ZEB1: variants seen among roughly 807,000 people sequenced by gnomAD.
ZEB1 encodes zinc finger E-box-binding homeobox 1.
In ZEB1, 21 loss-of-function variants were observed where a neutral mutation model predicts 84.9. That is an observed-to-expected ratio of 0.25 (90% CI 0.18 to 0.36). The LOEUF (loss-of-function observed/expected upper bound fraction) is 0.36, where lower values mean the gene tolerates loss of function less well. Ranked by LOEUF, ZEB1 falls within the 10% of genes least tolerant of loss-of-function variation. The probability of loss-of-function intolerance (pLI) is 1.00; values close to 1 mark genes in which losing one functional copy is unlikely to be tolerated. For synonymous variants in ZEB1, 420 were observed against 471.1 expected (o/e 0.89, Z 1.41); for missense variants, 1,104 against 1,330.2 (o/e 0.83, Z 2.65).
chr10:31,413,584 A>G (rs2054668881), intron 1 of ZEB1, among the ~76,000 whole-genome samples: 1 of 151,802 alleles, frequency 6.6e-6, no homozygotes, highest in South Asian at 2.1e-4. Context: ...AATGAGACAA[A>G]CAGATATGAA....
At position 31,434,186 on chromosome 10, in the gene ZEB1, A is replaced by G. The variant is rs1183457980; in HGVS notation, c.59-26851A>G. On this transcript the variant is annotated intron_variant, in intron 1 of 8. Transcript: ENST00000424869. ...TTTTTGTTGTTGATAAGTGGGCAAT[A>G]TGTAATGTTTAGAATAATGATCATG... 3.3e-5 allele frequency among the ~76,000 whole-genome samples: 5 copies of G among 152,206 alleles called. No individual in the cohort carries two copies. The South Asian group carries it at 6.2e-4, about 19-fold the overall frequency.
At chr10:31,384,776 T>C (rs1489545736) in intron 1 of ZEB1, among the ~76,000 whole-genome samples, 2 of 152,210 alleles carry the variant, frequency 1.3e-5, no homozygotes, top group Admixed American at 1.3e-4. Context: ...CATGAGTAAG[T>C]TTCTAGTCAG....
At chr10:31,487,035 T>C (rs1464247348) in intron 2 of ZEB1, among the ~76,000 whole-genome samples, 1 of 151,428 alleles carries the variant, frequency 6.6e-6, no homozygotes, top group Admixed American at 6.6e-5. Context: ...CTCTATTGAA[T>C]ATATTTGCAT....
intron 2 of ZEB1, among the ~76,000 whole-genome samples, chr10:31,490,089 T>C (rs532116228): frequency 1.3e-5 from 2 of 151,676 alleles, no homozygotes; most frequent in African/African-American, 4.8e-5. Context: ...ATATATTATT[T>C]CCTCTGGCTC....
chr10:31,336,058 T>A (rs1390986003), intron 1 of ZEB1, among the ~76,000 whole-genome samples: 2 of 152,112 alleles, frequency 1.3e-5, no homozygotes, highest in East Asian at 3.9e-4. Flanking sequence ...TTGGCAGACA[T>A]AAAGATCTAA....
chr10:31,447,823 T>G (rs1426938231), intron 1 of ZEB1, among the ~76,000 whole-genome samples: 25 of 152,202 alleles, frequency 1.6e-4, no homozygotes, highest in Non-Finnish European at 2.9e-5. Context: ...TAACCCGACC[T>G]TTCTCTCTGG....
At chr10:31,480,334 A>G (rs759113131) in intron 2 of ZEB1, among the ~76,000 whole-genome samples, 3 of 152,064 alleles carry the variant, frequency 2.0e-5, no homozygotes, top group African/African-American at 4.8e-5. Flanking sequence ...ATAAAATACT[A>G]TAAGTAATAC....
At chr10:31,474,804 A>G (rs960514135) in intron 2 of ZEB1, among the ~76,000 whole-genome samples, 18 of 152,270 alleles carry the variant, frequency 1.2e-4, no homozygotes, top group South Asian at 8.3e-4. Context: ...AAGACTTGGA[A>G]CCAACCCAAA....
At chr10:31,335,036 A>G (rs1054963316) in intron 1 of ZEB1, among the ~76,000 whole-genome samples, 2 of 152,134 alleles carry the variant, frequency 1.3e-5, no homozygotes, top group African/African-American at 2.4e-5. Context: ...TCTAAGTATA[A>G]AAAATGATGA....
intron 5 of ZEB1, among the ~76,000 whole-genome samples, chr10:31,513,762 ATG>A (rs1432370203): frequency 6.6e-6 from 1 of 152,188 alleles, no homozygotes; most frequent in East Asian, 1.9e-4. Flanking sequence ...GAGGAGCAAT[ATG>A]TGTGCAGAAA....
chr10:31,479,047 A>G (rs2064690793), intron 2 of ZEB1, among the ~76,000 whole-genome samples: 1 of 151,814 alleles, frequency 6.6e-6, no homozygotes, highest in South Asian at 2.1e-4. Flanking sequence ...AGAAATTTAT[A>G]AGGAAAAGGG....
In ZEB1 at chr10:31,471,849, G is replaced by A. The variant is rs543854088; in HGVS notation, c.259+10612G>A. Reference sequence around the variant, plus strand: ...CAGCAAATGTAAAAGAACAGAAATTGTAACAAACTATCTCTCAGACCACAG... The same window carrying A: ...CAGCAAATGTAAAAGAACAGAAATTATAACAAACTATCTCTCAGACCACAG... On this transcript the variant is annotated intron_variant, in intron 2 of 8. Transcript: ENST00000424869. 2.7e-3 allele frequency among the ~76,000 whole-genome samples: 393 copies of A among 144,414 alleles called. 1 individual carries two copies. Among genetic ancestry groups the A allele is most frequent in the African/African-American group, 0.01 (361 of 35,022 alleles). 94.7% of individuals were successfully genotyped at this position (144,414 alleles called of 152,430 possible).
intron 1 of ZEB1, 76 bp downstream of exon 1, chr10:31,319,368 G>C: frequency 6.8e-7 from 1 of 1,467,728 alleles, no homozygotes; most frequent in Non-Finnish European, 9.4e-7. Flanking sequence ...GGGGTGAGGG[G>C]GGCGAGCCGG....
chr10:31,467,441 C>T (rs963206970), intron 2 of ZEB1, among the ~76,000 whole-genome samples: 28 of 152,182 alleles, frequency 1.8e-4, no homozygotes, highest in Non-Finnish European at 3.4e-4. Context: ...ACCACCATTC[C>T]TGCAGGACTG....
chr10:31,363,005 G>T (rs1199404373), intron 1 of ZEB1: 4 of 1,533,894 alleles, frequency 2.6e-6, no homozygotes, highest in Non-Finnish European at 3.5e-6. Flanking sequence ...GGTGGGGGCC[G>T]CTCGTCTCTA....
chr10:31,380,953 G>A lies in ZEB1; in HGVS notation c.58+61661G>A, dbSNP rs1364716055. On this transcript the variant is annotated intron_variant, in intron 1 of 8. Coordinates refer to ENST00000424869, the MANE Select transcript of ZEB1 (RefSeq NM_001174096.2). ...TGGAGACCTTTTGCCAGTTTTATTTGGTCAAATACATTATTTTGTGATGAA... is the reference window on the plus strand; with the variant it reads ...TGGAGACCTTTTGCCAGTTTTATTTAGTCAAATACATTATTTTGTGATGAA... Among the ~76,000 whole-genome samples, 3 of 152,194 alleles carry A rather than the reference G, an allele frequency of 2.0e-5. No individual in the cohort carries two copies. In the East Asian group the frequency reaches 5.8e-4, roughly 29 times the overall value.
intron 2 of ZEB1, among the ~76,000 whole-genome samples, chr10:31,467,289 T>A (rs1250910645): frequency 6.6e-6 from 1 of 152,090 alleles, no homozygotes; most frequent in Non-Finnish European, 1.5e-5. Flanking sequence ...CCCAAAAGCC[T>A]TCAGTGTGCT....
chr10:31,363,376 G>A, intron 1 of ZEB1: 1 of 1,534,420 alleles, frequency 6.5e-7, no homozygotes, highest in South Asian at 1.2e-5. Flanking sequence ...ATGCACCTGG[G>A]CCTTGTCAGT....
intron 1 of ZEB1, among the ~76,000 whole-genome samples, chr10:31,382,897 A>G (rs1337557834): frequency 6.6e-6 from 1 of 152,108 alleles, no homozygotes; most frequent in African/African-American, 2.4e-5. Flanking sequence ...AAGACACATG[A>G]ATAATAAAGA....
Sources: allele counts gnomAD v4.1 joint callset (sites outside exome capture counted in the v4.1 genomes callset), GRCh38; gene constraint gnomAD v4.1.1; transcripts MANE v1.5; gene names NCBI Gene and HGNC (gene_info 2026-07-23, HGNC 2026-07-21).